LPCAT1: variants seen among roughly 807,000 people sequenced by gnomAD.
LPCAT1 encodes 1-acylglycerol-3-phosphate O-acyltransferase.
Under a neutral mutation model 60.9 loss-of-function variants are expected in LPCAT1, and 23 were observed. The ratio of observed to expected loss-of-function variants is 0.38; its 90% confidence interval spans 0.27 to 0.53. The LOEUF (loss-of-function observed/expected upper bound fraction) is 0.53, where lower values mean the gene tolerates loss of function less well. Among genes scored for constraint, LPCAT1 ranks in the 20% least tolerant of loss-of-function variants. The pLI, the probability that LPCAT1 is intolerant of heterozygous loss-of-function variation, is 0.82. For synonymous variants in LPCAT1, 340 were observed against 301.1 expected, an observed-to-expected ratio of 1.13 and a Z score of -1.34; for missense variants, 622 against 723.6, an observed-to-expected ratio of 0.86 and a Z score of 1.61.
chr5:1,487,617 G>A lies in LPCAT1; in HGVS notation c.667+774C>T, dbSNP rs1489439335. 6.6e-6 allele frequency among the ~76,000 whole-genome samples: 1 copy of A among 152,176 alleles called. No homozygotes were observed. The highest frequency in any genetic ancestry group is 2.4e-5 in the African/African-American group (1 of 41,442). On this transcript the variant is annotated intron_variant, in intron 5 of 13. Transcript: ENST00000283415. The surrounding 1 kb of genome is among the most constrained non-coding windows in gnomAD (Gnocchi z 6.1). Reference sequence around the variant, plus strand: ...GTTGTGCGGCCCCAGAGGCACGGCAGCCGGTGCCAGTGTGAGCGAGGAACT... The same window carrying A: ...GTTGTGCGGCCCCAGAGGCACGGCAACCGGTGCCAGTGTGAGCGAGGAACT...
Position 1,477,463 on chromosome 5 carries a change from A to G in LPCAT1, c.840T>C (p.Ser280=). Residue 280 remains serine, a synonymous_variant, in exon 9 of 14, where the codon TCT becomes TCC. Coordinates refer to ENST00000283415, the MANE Select transcript of LPCAT1 (RefSeq NM_024830.5). The surrounding 1 kb of genome is among the most constrained non-coding windows in gnomAD (Gnocchi z 6.0). ...GCGCGGGGTTCCTCTTCTCCTCCTC[A>G]GAAGGGCTGTACACAGGAAGGAACT... ...EIEFLPVYSP[S]EEEKRNPALY... 6.2e-7 allele frequency: 1 copy of G among 1,613,978 alleles called. No homozygotes were observed. The highest frequency in any genetic ancestry group is 1.1e-5 in the South Asian group (1 of 91,078).
intron 2 of LPCAT1, among the ~76,000 whole-genome samples, chr5:1,500,657 G>T (rs547078239): frequency 6.6e-6 from 1 of 152,368 alleles, no homozygotes; most frequent in Admixed American, 6.5e-5. Context: ...TGGCCCTGGG[G>T]AGCAGGCCCA....
intron 1 of LPCAT1, among the ~76,000 whole-genome samples, chr5:1,517,655 G>T (rs769950976): frequency 3.3e-5 from 5 of 150,134 alleles, no homozygotes; most frequent in Non-Finnish European, 7.4e-5. Flanking sequence ...ATGTTTATAC[G>T]AGAAATAGAT....
In LPCAT1 at chr5:1,481,097, G is replaced by T; in HGVS notation, c.727-121C>A. The T allele has an allele frequency of 2.5e-6, 3 of 1,213,940 alleles. No homozygotes were observed. Among genetic ancestry groups the T allele is most frequent in the Non-Finnish European group, 2.4e-6 (2 of 830,796 alleles). The allele number at this position is 1,213,940 out of a possible 1,614,324, so 75.2% of individuals were successfully genotyped here. On this transcript the variant is annotated intron_variant, in intron 6 of 13. Transcript: ENST00000283415. This position sits in a 1 kb window ranked among gnomAD's most constrained non-coding sequence, Gnocchi z 7.8. ...CCCACAGAGGCGCTGCAGCCAGGGG[G>T]AAGGGAGGAGGGTGCTAGAGCTCCA...
chr5:1,463,808 T>C lies in LPCAT1; in HGVS notation c.1448A>G (p.Tyr483Cys), dbSNP rs1734210010. ...FADFHRFAEMYPAFAEEYLYP... is the reference protein window; with the variant it reads ...FADFHRFAEMCPAFAEEYLYP... The stretch of plus-strand genomic sequence containing the variant: ...CAGGTATTCCTCTGCGAAGGCAGGG[T>C]ACATTTCTGCAAACCTGTGGAAGTC... The change falls in exon 14 of 14, where the codon TAC becomes TGC. Residue 483 changes from tyrosine to cysteine, a missense_variant. Physicochemically the swap from Tyr to Cys is radical, Grantham distance 194. Around this residue, in one of 3 missense-constraint regions of LPCAT1, gnomAD observed 288 missense variants for 283.6 expected, o/e 1.02. Transcript: ENST00000283415. 1.9e-6 allele frequency: 3 copies of C among 1,614,180 alleles called. No individual in the cohort carries two copies. The highest frequency in any genetic ancestry group is 2.5e-6 in the Non-Finnish European group (3 of 1,180,026).
At chr5:1,491,243 T>A (rs1445885395) in intron 3 of LPCAT1, among the ~76,000 whole-genome samples, 1 of 152,156 alleles carries the variant, frequency 6.6e-6, no homozygotes, top group Non-Finnish European at 1.5e-5. Context: ...GGCGGAGTCG[T>A]CTCGCAGGAT....
chr5:1,501,665 C>G (rs139582215), intron 1 of LPCAT1, 62 bp from the exon 2 acceptor site: 1 of 1,559,928 alleles, frequency 6.4e-7, no homozygotes, highest in Non-Finnish European at 8.8e-7. Flanking sequence ...GCTCCCCACC[C>G]GGCAGAGGCT....
In LPCAT1 at chr5:1,483,488, T is replaced by A; in HGVS notation, c.668-2A>T. The stretch of plus-strand genomic sequence containing the variant: ...CGGGCGCTCCAGGGATGAATGCACC[T>A]GCCGAGAAAGGAACAGCGGTGTTGC... On this transcript the variant is annotated splice_acceptor_variant, in intron 5 of 13. Coordinates refer to ENST00000283415, the MANE Select transcript of LPCAT1 (RefSeq NM_024830.5). LOFTEE classifies it high-confidence loss of function. This position sits in a 1 kb window ranked among gnomAD's most constrained non-coding sequence, Gnocchi z 9.2. 3 of 1,613,734 alleles carry A rather than the reference T, an allele frequency of 1.9e-6. No individual in the cohort carries two copies. The highest frequency in any genetic ancestry group is 1.7e-6 in the Non-Finnish European group (2 of 1,179,978).
chr5:1,494,613 G>T, intron 3 of LPCAT1, 87 bp downstream of exon 3: 1 of 1,265,692 alleles, frequency 7.9e-7, no homozygotes, highest in East Asian at 2.4e-5. Context: ...CCCAGCAGGA[G>T]GGGAATCTCT....
intron 1 of LPCAT1, among the ~76,000 whole-genome samples, chr5:1,512,150 A>C: frequency 6.6e-6 from 1 of 152,156 alleles, no homozygotes; most frequent in East Asian, 1.9e-4. Context: ...GGCCACCCGG[A>C]CAGGGCTTGG....
rs1022782894 is a variant in LPCAT1, at chr5:1,502,836, C to T, written c.136-1233G>A. On this transcript the variant is annotated intron_variant, in intron 1 of 13. Coordinates refer to ENST00000283415, the MANE Select transcript of LPCAT1 (RefSeq NM_024830.5). This position sits in a 1 kb window ranked among gnomAD's most constrained non-coding sequence, Gnocchi z 5.5. ...TCCCTAGATTCTTTTGAGTTCTCAA[C>T]GGAGACCAGCATAGCCCAAGAGAAA... 3.3e-5 allele frequency among the ~76,000 whole-genome samples: 5 copies of T among 152,122 alleles called. No individual in the cohort carries two copies. The highest frequency in any genetic ancestry group is 3.8e-4 in the East Asian group (2 of 5,204).
At chr5:1,504,714 CAAAA>C (rs11463524) in intron 1 of LPCAT1, among the ~76,000 whole-genome samples, 1 of 102,070 alleles carries the variant, frequency 9.8e-6, no homozygotes. Context: ...ATCTCCGTCC[CAAAA>C]AAAAAAAAAA....
At chr5:1,491,110 G>A (rs1368703882) in intron 3 of LPCAT1, among the ~76,000 whole-genome samples, 2 of 151,700 alleles carry the variant, frequency 1.3e-5, no homozygotes, top group African/African-American at 2.4e-5. Context: ...TTGTCTGTTG[G>A]GTCTCTGTGG....
chr5:1,463,921 G>GGT, intron 13 of LPCAT1, 86 bp from the exon 14 acceptor site: 1 of 1,400,784 alleles, frequency 7.1e-7, no homozygotes, highest in Non-Finnish European at 9.9e-7. Flanking sequence ...GGCCCTGGTG[G>GGT]GTGTCCACCT....
intron 3 of LPCAT1, among the ~76,000 whole-genome samples, chr5:1,492,204 G>A (rs947353179): frequency 1.3e-5 from 2 of 151,960 alleles, no homozygotes; most frequent in Non-Finnish European, 2.9e-5. Flanking sequence ...TGGGATGGGG[G>A]AAGATTATCT....
At chr5:1,466,982 T>C (rs2126474318) in intron 12 of LPCAT1, 92 bp from the exon 13 acceptor site, 1 of 1,306,294 alleles carries the variant, frequency 7.7e-7, no homozygotes, top group Non-Finnish European at 9.8e-7. Context: ...TGCCCCGCTT[T>C]GTCAGAGCTG....
At chr5:1,484,915 G>C (rs75446999) in intron 5 of LPCAT1, among the ~76,000 whole-genome samples, 3,056 of 152,302 alleles carry the variant, frequency 0.02, 63 homozygotes, top group African/African-American at 0.052. Flanking sequence ...GTGTGCCCAG[G>C]TGGACGGGTG....
intron 1 of LPCAT1, chr5:1,510,869 G>A (rs1259205656): frequency 6.6e-6 from 1 of 152,480 alleles, no homozygotes; most frequent in East Asian, 1.9e-4. Flanking sequence ...TGGAGCAAGG[G>A]CCGCTGCTGG....
rs1442822292 is a variant in LPCAT1, at chr5:1,502,131, T to C, written c.136-528A>G. On this transcript the variant is annotated intron_variant, in intron 1 of 13. Transcript: ENST00000283415. The surrounding 1 kb of genome is among the most constrained non-coding windows in gnomAD (Gnocchi z 5.5). Reference sequence around the variant, plus strand: ...CACTGCCCGCTTCCTGCCTCCTTACTGGAGCTGCCATGCGAGTGGCTTGGG... The same window carrying C: ...CACTGCCCGCTTCCTGCCTCCTTACCGGAGCTGCCATGCGAGTGGCTTGGG... Among the ~76,000 whole-genome samples the C allele has an allele frequency of 6.6e-6, 1 of 152,210 alleles. No individual in the cohort carries two copies.
Sources: allele counts gnomAD v4.1 joint callset (sites outside exome capture counted in the v4.1 genomes callset), GRCh38; gene constraint gnomAD v4.1.1; regional missense constraint gnomAD v4.1.1; non-coding constraint Gnocchi (gnomAD v3.1); transcripts MANE v1.5; gene names NCBI Gene and HGNC (gene_info 2026-07-23, HGNC 2026-07-21).